Variants in NCAN observed in about 807,000 individuals in gnomAD.
The protein encoded by NCAN is neurocan.
A neutral mutation model predicts 121.8 loss-of-function variants in NCAN; 47 were observed. That is an observed-to-expected ratio of 0.39 (90% confidence interval 0.31 to 0.49). NCAN has a LOEUF of 0.49. NCAN is among the 20% of genes least tolerant of loss of function. The pLI, the probability that NCAN is intolerant of heterozygous loss-of-function variation, is 0.92. For missense variants in NCAN, 1,517 were observed against 1,773.4 expected, an observed-to-expected ratio of 0.86 and a Z score of 2.60; for synonymous variants, 633 against 702.0, an observed-to-expected ratio of 0.90 and a Z score of 1.55.
rs753721025 is a variant in NCAN at position 19,226,687 on chromosome 19, C to G, written c.1274C>G (p.Ser425Cys). The change falls in exon 7 of 15, where the codon TCT (serine) becomes TGT (cysteine). Residue 425 changes from serine (S) to cysteine (C), a missense_variant. By Grantham distance (112) the Ser-to-Cys change is moderately radical. Transcript: ENST00000252575. ...ETLILEEKQE[S>C]QQTLSPTPGD... ...CTGATTTTGGAGGAGAAGCAGGAGT[C>G]TCAACAGACCCTCAGCCCTACCCCT... 1 of 1,613,196 alleles carries G rather than the reference C, an allele frequency of 6.2e-7. No individual in the cohort carries two copies. Among genetic ancestry groups the G allele is most frequent in the South Asian group, 1.1e-5 (1 of 91,090 alleles).
intron 12 of NCAN, among the ~76,000 whole-genome samples, chr19:19,244,665 C>T (rs1346803796): frequency 6.6e-6 from 1 of 151,352 alleles, no homozygotes; most frequent in Non-Finnish European, 1.5e-5. Context: ...CAGGGAAGTC[C>T]TCCTGGACTT....
chr19:19,237,677 C>A (rs2060886722), intron 10 of NCAN, among the ~76,000 whole-genome samples: 1 of 152,068 alleles, frequency 6.6e-6, no homozygotes, highest in African/African-American at 2.4e-5. Flanking sequence ...AGAGAAGGAG[C>A]CTTCAGCATT....
rs548552878 is a variant in NCAN at position 19,239,626 on chromosome 19, C to T, written c.3410-977C>T. On this transcript the variant is annotated intron_variant, in intron 11 of 14. Coordinates refer to ENST00000252575, the MANE Select transcript of NCAN (RefSeq NM_004386.3). Reference sequence around the variant, plus strand: ...CCTCCTCTTCCTCTCTCCTCTCCTCCCCCTTCCCTCCCCCTCCTCCTTCCA... The same window carrying T: ...CCTCCTCTTCCTCTCTCCTCTCCTCTCCCTTCCCTCCCCCTCCTCCTTCCA... Among the ~76,000 whole-genome samples the T allele has an allele frequency of 9.9e-3, 950 of 95,914 alleles. 11 individuals carry two copies. Among genetic ancestry groups the T allele is most frequent in the Non-Finnish European group, 0.014 (665 of 46,134 alleles). 62.9% of individuals were successfully genotyped at this position (95,914 alleles called of 152,430 possible). A position where few individuals can be genotyped will look rare whatever the true frequency, so the allele number is the denominator to read the frequency against.
At chr19:19,238,456 G>C (rs974575480) in intron 11 of NCAN, 45 bp downstream of exon 11, 34 of 1,612,028 alleles carry the variant, frequency 2.1e-5, no homozygotes, top group Non-Finnish European at 2.9e-5. Flanking sequence ...GGGTGGGCAG[G>C]GGTGGCACTT....
At chr19:19,235,412 A>T (rs2060877356) in intron 10 of NCAN, among the ~76,000 whole-genome samples, 1 of 151,760 alleles carries the variant, frequency 6.6e-6, no homozygotes, top group Non-Finnish European at 1.5e-5. Flanking sequence ...CTGGGATTAC[A>T]GGCGCCCGCC....
chr19:19,216,180 G>A (rs998943008), intron 1 of NCAN, among the ~76,000 whole-genome samples: 12 of 152,002 alleles, frequency 7.9e-5, no homozygotes, highest in Admixed American at 2.6e-4. Flanking sequence ...TTTCAGTCTC[G>A]CGCTGTCACC....
At chr19:19,231,944 C>T (rs950055789) in intron 8 of NCAN, among the ~76,000 whole-genome samples, 2 of 151,650 alleles carry the variant, frequency 1.3e-5, no homozygotes, top group Non-Finnish European at 2.9e-5. Context: ...CATGCAACTG[C>T]ACTCCAGCCT....
In NCAN at chr19:19,225,434, T is replaced by G. The variant is rs531544421; in HGVS notation, c.1072+164T>G. 6.6e-6 allele frequency among the ~76,000 whole-genome samples: 1 copy of G among 152,312 alleles called. No individual in the cohort carries two copies. The highest frequency in any genetic ancestry group is 1.9e-4 in the East Asian group (1 of 5,164). On this transcript the variant is annotated intron_variant, in intron 6 of 14. Coordinates refer to ENST00000252575, the MANE Select transcript of NCAN (RefSeq NM_004386.3). This position sits in a 1 kb window ranked among gnomAD's most constrained non-coding sequence, Gnocchi z 4.0. ...GCCCCCGGGTGAAGGCCACACCCGT[T>G]ACGACAAGTCTTTCCCTAGGAGCCC...
chr19:19,232,635 G>A (rs1041668319), intron 8 of NCAN, among the ~76,000 whole-genome samples: 7 of 152,156 alleles, frequency 4.6e-5, no homozygotes, highest in African/African-American at 7.2e-5. Flanking sequence ...GAAAACTGAC[G>A]TCCTAGAGCA....
At chr19:19,223,515 C>T (rs974478984) in intron 3 of NCAN, among the ~76,000 whole-genome samples, 1 of 151,998 alleles carries the variant, frequency 6.6e-6, no homozygotes, top group African/African-American at 2.4e-5. Flanking sequence ...TTCTGTCTCC[C>T]AGGCTGGAGT....
In NCAN at chr19:19,231,567, A is replaced by G. The variant is rs535628574; in HGVS notation, c.3020-2222A>G. Among the ~76,000 whole-genome samples, 15 of 152,072 alleles carry G rather than the reference A, an allele frequency of 9.9e-5. No homozygotes were observed. In the South Asian group the frequency reaches 1.0e-3, roughly 11 times the overall value. On this transcript the variant is annotated intron_variant, in intron 8 of 14. Transcript: ENST00000252575. ...TGGTCTCAAGCTCCTGACTCAAGTG[A>G]TCTGCCCGCCTCAGCCTCCCGAAGT...
chr19:19,246,928 A>G (rs2060926456), intron 13 of NCAN, among the ~76,000 whole-genome samples: 1 of 152,038 alleles, frequency 6.6e-6, no homozygotes, highest in Non-Finnish European at 1.5e-5. Context: ...CCAGTTTTCT[A>G]TTGACTTGTT....
At chr19:19,240,969 G>A (rs921585792) in intron 12 of NCAN, among the ~76,000 whole-genome samples, 1 of 152,142 alleles carries the variant, frequency 6.6e-6, no homozygotes, top group Non-Finnish European at 1.5e-5. Context: ...CCCAGCCATG[G>A]TCTCTCAAAT....
chr19:19,244,631 T>G (rs1206421767), intron 12 of NCAN, among the ~76,000 whole-genome samples: 1 of 150,688 alleles, frequency 6.6e-6, no homozygotes, highest in Non-Finnish European at 1.5e-5. Context: ...TATCTTTGAT[T>G]CTTTAACTCT....
chr19:19,224,274 A>G (rs2238672), intron 4 of NCAN, 32 bp from the exon 5 acceptor site: 209,829 of 1,606,214 alleles, frequency 0.13, 16,185 homozygotes, highest in Admixed American at 0.26. Flanking sequence ...AGGAGCACAC[A>G]TCTGAGAGGG....
chr19:19,229,594 G>A (rs1296775287), intron 8 of NCAN, among the ~76,000 whole-genome samples: 1 of 152,186 alleles, frequency 6.6e-6, no homozygotes, highest in Admixed American at 6.5e-5. Flanking sequence ...CTAATCAGTG[G>A]TCACACCTCA....
intron 1 of NCAN, among the ~76,000 whole-genome samples, chr19:19,214,205 TAC>T (rs909293642): frequency 8.0e-5 from 12 of 150,634 alleles, no homozygotes; most frequent in Non-Finnish European, 7.4e-5. Flanking sequence ...CACACACACT[TAC>T]ACACACACAC....
intron 11 of NCAN, 85 bp downstream of exon 11, chr19:19,238,496 TCCCC>T: frequency 6.6e-7 from 1 of 1,523,970 alleles, no homozygotes; most frequent in Non-Finnish European, 9.1e-7. Flanking sequence ...ATCGCATCCC[TCCCC>T]TGGTTTTCAA....
chr19:19,241,587 C>T (rs1003475754), intron 12 of NCAN, among the ~76,000 whole-genome samples: 3 of 151,920 alleles, frequency 2.0e-5, no homozygotes, highest in Admixed American at 1.3e-4. Context: ...CCTGTAGTCT[C>T]AGCTATCGGG....
Sources: allele counts gnomAD v4.1 joint callset (sites outside exome capture counted in the v4.1 genomes callset), GRCh38; gene constraint gnomAD v4.1.1; non-coding constraint Gnocchi (gnomAD v3.1); transcripts MANE v1.5; gene names NCBI Gene and HGNC (gene_info 2026-07-23, HGNC 2026-07-21).